The following SCN11A variants were observed in gnomAD, a reference collection of about 807,000 sequenced individuals.
SCN11A encodes the protein sodium voltage-gated channel alpha subunit 11.
A neutral mutation model predicts 162.2 loss-of-function variants in SCN11A; 122 were observed. The observed-to-expected ratio is 0.75, with a 90% CI of 0.65 to 0.87. The LOEUF is 0.87. SCN11A is among the 40% of genes least tolerant of loss of function. The pLI is 0.00. For synonymous variants in SCN11A, 758 were observed against 751.5 expected (o/e 1.01, Z -0.14); for missense variants, 2,015 against 2,181.6 (o/e 0.92, Z 1.52).
intron 2 of SCN11A, among the ~76,000 whole-genome samples, chr3:39,030,249 C>G (rs905513922): frequency 6.6e-6 from 1 of 152,194 alleles, no homozygotes; most frequent in African/African-American, 2.4e-5. Context: ...GAGGGCAGAC[C>G]TGTAACCACT....
intron 3 of SCN11A, among the ~76,000 whole-genome samples, chr3:38,956,244 C>CA (rs1006442691): frequency 5.9e-4 from 83 of 139,740 alleles, no homozygotes; most frequent in Middle Eastern, 3.7e-3. Context: ...GACTCCGTCT[C>CA]AAAAAAAAAA....
intron 8 of SCN11A, among the ~76,000 whole-genome samples, chr3:38,926,438 G>A (rs924925393): frequency 6.7e-6 from 1 of 150,272 alleles, no homozygotes; most frequent in Non-Finnish European, 1.5e-5. Flanking sequence ...GCCATTAATT[G>A]TTACTTTTCC....
At chr3:38,928,603 C>G (rs1358413631) in intron 7 of SCN11A, among the ~76,000 whole-genome samples, 2 of 151,516 alleles carry the variant, frequency 1.3e-5, no homozygotes, top group Admixed American at 6.6e-5. Flanking sequence ...ATTAAATGAC[C>G]TAATTAAAAA....
chr3:39,012,662 A>G (rs951639462), intron 2 of SCN11A, among the ~76,000 whole-genome samples: 1 of 151,858 alleles, frequency 6.6e-6, no homozygotes, highest in Admixed American at 6.6e-5. Context: ...TGTATTAGAG[A>G]CAGGGTTTCA....
intron 26 of SCN11A, among the ~76,000 whole-genome samples, chr3:38,867,708 T>C (rs912508911): frequency 3.3e-5 from 5 of 152,026 alleles, no homozygotes; most frequent in Admixed American, 6.6e-5. Context: ...AGGAGAATCA[T>C]TGAGGGACTG....
Position 38,909,158 on chromosome 3 carries a change from A to T in SCN11A, c.1138T>A (p.Phe380Ile). The change falls in exon 13 of 30, where the codon TTC (phenylalanine) becomes ATC (isoleucine). Residue 380 changes from phenylalanine (F) to isoleucine (I), a missense_variant. By Grantham distance (21) the Phe-to-Ile change is conservative. Transcript: ENST00000302328. ...RTTGLYSVFF[F>I]IVVIFLGSFY... Reference sequence around the variant, plus strand: ...GAGCCCAGGAAAATGACCACAATGAAGAAGAAGACTGAGTAGAGCCCAGTA... The same window carrying T: ...GAGCCCAGGAAAATGACCACAATGATGAAGAAGACTGAGTAGAGCCCAGTA... The T allele has an allele frequency of 6.2e-7, 1 of 1,614,078 alleles. No homozygotes were observed. The highest frequency in any genetic ancestry group is 8.5e-7 in the Non-Finnish European group (1 of 1,179,938).
At chr3:39,015,934 A>G (rs956320624) in intron 2 of SCN11A, among the ~76,000 whole-genome samples, 5 of 152,042 alleles carry the variant, frequency 3.3e-5, no homozygotes, top group Admixed American at 1.3e-4. Flanking sequence ...ACATGGTTTC[A>G]CCATTTTGGC....
In SCN11A at chr3:38,919,972, G is replaced by A; in HGVS notation, c.922C>T (p.Pro308Ser). ...CAGATGCCACACATTTTGAATTCAG[G>A]TGAATTTTCTTTCTTTTCAAAGCAA... ...DHCFEKKENS[P>S]EFKMCGIWMG... The change falls in exon 11 of 30, where the codon CCT (proline) becomes TCT (serine). Residue 308 changes from proline (P) to serine (S), a missense_variant. Physicochemically the swap from Pro to Ser is moderately conservative, Grantham distance 74. Transcript: ENST00000302328. The A allele has an allele frequency of 1.2e-6, 2 of 1,613,324 alleles. No individual in the cohort carries two copies. The highest frequency in any genetic ancestry group is 8.5e-7 in the Non-Finnish European group (1 of 1,179,564).
At chr3:39,042,760 C>G (rs912920283) in intron 1 of SCN11A, among the ~76,000 whole-genome samples, 1 of 151,950 alleles carries the variant, frequency 6.6e-6, no homozygotes, top group Non-Finnish European at 1.5e-5. Context: ...GAGTTCGACA[C>G]CAGCCTGGCC....
chr3:39,038,185 A>G (rs1376907427), intron 1 of SCN11A, among the ~76,000 whole-genome samples: 1 of 152,206 alleles, frequency 6.6e-6, no homozygotes, highest in Non-Finnish European at 1.5e-5. Flanking sequence ...AATAATAAAC[A>G]TTTATTGTTT....
chr3:38,949,424 T>C (rs2066566615), intron 5 of SCN11A, among the ~76,000 whole-genome samples: 1 of 152,224 alleles, frequency 6.6e-6, no homozygotes, highest in Non-Finnish European at 1.5e-5. Flanking sequence ...CATATTTGCA[T>C]TGAGTTTACA....
At chr3:38,872,323 T>TGTCCAGAGG in intron 23 of SCN11A, 29 bp from the exon 24 acceptor site, 1 of 1,224,302 alleles carries the variant, frequency 8.2e-7, no homozygotes, top group Non-Finnish European at 1.2e-6. Flanking sequence ...ACAGATAATG[T>TGTCCAGAGG]ACCTGACTTG....
Position 38,919,933 on chromosome 3 carries a change from AC to A in SCN11A, c.959+1del. The A allele has an allele frequency of 6.2e-7, 1 of 1,610,188 alleles. No homozygotes were observed. The highest frequency in any genetic ancestry group is 8.5e-7 in the Non-Finnish European group (1 of 1,176,540). ...GGAGGAAAATGATTATAAACCTCTT[AC>A]CTGTTACCCATCCAGATGCCACACA... On this transcript the variant is annotated splice_donor_variant, in intron 11 of 29. Transcript: ENST00000302328. LOFTEE classifies it high-confidence loss of function.
chr3:38,955,092 C>T (rs987402130), intron 3 of SCN11A, among the ~76,000 whole-genome samples: 1 of 152,170 alleles, frequency 6.6e-6, no homozygotes, highest in Non-Finnish European at 1.5e-5. Flanking sequence ...GGTTTGAGAC[C>T]AGCCTGGCCA....
At chr3:38,961,495 C>CTT (rs1207927403) in intron 2 of SCN11A, among the ~76,000 whole-genome samples, 1 of 152,156 alleles carries the variant, frequency 6.6e-6, no homozygotes, top group Non-Finnish European at 1.5e-5. Flanking sequence ...GAGCATATGG[C>CTT]TTGGGTTTTT....
At chr3:39,027,991 G>A (rs747340213) in intron 2 of SCN11A, among the ~76,000 whole-genome samples, 14 of 152,230 alleles carry the variant, frequency 9.2e-5, no homozygotes, top group Non-Finnish European at 1.6e-4. Flanking sequence ...TCTTGAGTGG[G>A]ACTTAATTCA....
chr3:38,869,825 C>T (rs749789597), intron 26 of SCN11A, among the ~76,000 whole-genome samples: 4 of 152,148 alleles, frequency 2.6e-5, no homozygotes, highest in Non-Finnish European at 4.4e-5. Flanking sequence ...TTTCAGATCA[C>T]GGATGCTCAA....
At chr3:38,945,674 G>A (rs1280291268) in intron 6 of SCN11A, among the ~76,000 whole-genome samples, 162 bp from the exon 7 acceptor site, 2 of 152,160 alleles carry the variant, frequency 1.3e-5, no homozygotes, top group Non-Finnish European at 2.9e-5. Flanking sequence ...CCCTCCTGTG[G>A]AGAATTGTCC....
At chr3:38,981,848 A>G (rs917774430) in intron 2 of SCN11A, among the ~76,000 whole-genome samples, 2 of 151,980 alleles carry the variant, frequency 1.3e-5, no homozygotes, top group African/African-American at 2.4e-5. Context: ...TATTAAAAAT[A>G]CAAAAATTAG....
Sources: gnomAD v4.1 joint callset for allele counts (sites outside exome capture counted in the v4.1 genomes callset) on GRCh38, gnomAD v4.1.1 for gene constraint, MANE v1.5 for transcripts, NCBI Gene and HGNC (gene_info 2026-07-23, HGNC 2026-07-21) for gene names.